The following NOVA2 variants were observed in gnomAD, a reference collection of about 807,000 sequenced individuals.
NOVA2 encodes RNA-binding protein Nova-2.
NOVA2 carries 9 observed loss-of-function variants against 22.5 expected under a neutral mutation model. That is an observed-to-expected ratio of 0.40 (90% CI 0.24 to 0.70). The LOEUF is 0.70. Among genes scored for constraint, NOVA2 ranks in the 30% least tolerant of loss-of-function variants. The probability of loss-of-function intolerance (pLI) is 0.38; values close to 1 mark genes in which losing one functional copy is unlikely to be tolerated. For missense variants in NOVA2, 383 were observed against 682.8 expected (o/e 0.56, Z 4.89); for synonymous variants, 318 against 335.2 (o/e 0.95, Z 0.56).
intron 2 of NOVA2, 123 bp from the exon 3 acceptor site, chr19:45,954,069 C>T (rs1455064234): frequency 1.6e-5 from 17 of 1,074,306 alleles, no homozygotes; most frequent in South Asian, 7.5e-5. Context: ...ACTGATCACA[C>T]GGTGAGCCTG....
intron 3 of NOVA2, 60 bp downstream of exon 3, chr19:45,953,720 G>A (rs1967961250): frequency 6.3e-7 from 1 of 1,594,734 alleles, no homozygotes; most frequent in East Asian, 2.2e-5. Flanking sequence ...TGATGTGGGA[G>A]GAATGTTTCT....
chr19:45,939,962 C>T lies in NOVA2; in HGVS notation c.1380G>A (p.Thr460=), dbSNP rs778974146. Residue 460 remains threonine (T), a synonymous_variant, in exon 4 of 4, where the codon ACG becomes ACA. Transcript: ENST00000263257. ...PGTRNRRVTI[T]GSPAATQAAQ... ...CGGCTTGCGTGGCCGCGGGGCTGCC[C>T]GTGATGGTGACCCGCCGGTTCCGCG... 1 of 1,613,932 alleles carries T rather than the reference C, an allele frequency of 6.2e-7. No individual in the cohort carries two copies. Among genetic ancestry groups the T allele is most frequent in the Admixed American group, 1.7e-5 (1 of 60,014 alleles).
intron 3 of NOVA2, among the ~76,000 whole-genome samples, chr19:45,942,665 G>C (rs1292032017): frequency 6.6e-6 from 1 of 152,022 alleles, no homozygotes; most frequent in Non-Finnish European, 1.5e-5. Context: ...TCCTGGGACG[G>C]GAACTCTCCA....
rs1407722598 is a variant in NOVA2 at position 45,964,139 on chromosome 19, A to T, written c.86-2986T>A. Among the ~76,000 whole-genome samples, 2 of 151,550 alleles carry T rather than the reference A, an allele frequency of 1.3e-5. 1 individual carries two copies. Among genetic ancestry groups the T allele is most frequent in the South Asian group, 4.2e-4 (2 of 4,794 alleles). Reference sequence around the variant, plus strand: ...ATCCCCCAATGGTTTTTCAACTTTTAAGCAAAGGAAGCCTATTTTCTTTTT... The same window carrying T: ...ATCCCCCAATGGTTTTTCAACTTTTTAGCAAAGGAAGCCTATTTTCTTTTT... On this transcript the variant is annotated intron_variant, in intron 1 of 3. Transcript: ENST00000263257.
At position 45,940,648 on chromosome 19, in the gene NOVA2, C is replaced by T; in HGVS notation, c.694G>A (p.Ala232Thr). ...GCTGGCAGCACATCCGCGGGGCTGG[C>T]GTACGGAGAGCCGGTGGGGTTGGAG... ...ANSNPTGSPY[A>T]SPADVLPAAA... Residue 232 changes from alanine to threonine, a missense_variant, in exon 4 of 4, where the codon GCC becomes ACC. This residue lies in a region of NOVA2 where 349 missense variants were observed against 578.1 expected (regional missense o/e 0.60). Coordinates refer to ENST00000263257, the MANE Select transcript of NOVA2 (RefSeq NM_002516.4). The T allele has an allele frequency of 6.4e-7, 1 of 1,558,996 alleles. No homozygotes were observed. Among genetic ancestry groups the T allele is most frequent in the Non-Finnish European group, 8.6e-7 (1 of 1,158,366 alleles).
rs1435493328 is a variant in NOVA2, at chr19:45,973,865, C to T, written c.-514G>A. Among the ~76,000 whole-genome samples, 7 of 151,056 alleles carry T rather than the reference C, an allele frequency of 4.6e-5. No homozygotes were observed. In the East Asian group the frequency reaches 8.0e-4, roughly 17 times the overall value. On this transcript the variant is annotated 5_prime_UTR_variant, in exon 1 of 4. Transcript: ENST00000263257. Reference sequence around the variant, plus strand: ...GGCTCCCTGGGGCAAGAGGGCCGAGCCCCCCAGACCCTGCTCGGGGTGGGG... The same window carrying T: ...GGCTCCCTGGGGCAAGAGGGCCGAGTCCCCCAGACCCTGCTCGGGGTGGGG...
chr19:45,941,314 A>ATG (rs1967754791), intron 3 of NOVA2, among the ~76,000 whole-genome samples: 1 of 148,158 alleles, frequency 6.7e-6, no homozygotes, highest in Admixed American at 6.8e-5. Flanking sequence ...AAAATAATAT[A>ATG]TATATATATA....
chr19:45,968,687 C>G (rs1968196857), intron 1 of NOVA2, among the ~76,000 whole-genome samples: 1 of 152,042 alleles, frequency 6.6e-6, no homozygotes, highest in Non-Finnish European at 1.5e-5. Flanking sequence ...TCATCTAATG[C>G]ACAAAACCCA....
At chr19:45,957,273 T>C (rs1968018608) in intron 2 of NOVA2, among the ~76,000 whole-genome samples, 1 of 151,984 alleles carries the variant, frequency 6.6e-6, no homozygotes, top group South Asian at 2.1e-4. Flanking sequence ...GTGCAGTGGC[T>C]CACGCCTGTA....
intron 3 of NOVA2, among the ~76,000 whole-genome samples, chr19:45,945,271 C>T (rs968091601): frequency 7.3e-5 from 11 of 151,418 alleles, no homozygotes; most frequent in African/African-American, 2.4e-4. Flanking sequence ...CACTACACTC[C>T]AGCCTGGGTG....
chr19:45,951,859 T>A (rs1967931337), intron 3 of NOVA2, among the ~76,000 whole-genome samples: 1 of 152,194 alleles, frequency 6.6e-6, no homozygotes, highest in Admixed American at 6.5e-5. Context: ...ATCTAAAAAA[T>A]TTATGGCTTC....
In NOVA2 at chr19:45,967,949, G is replaced by GA. The variant is rs75135573; in HGVS notation, c.85+5317dup. On this transcript the variant is annotated intron_variant, in intron 1 of 3. Transcript: ENST00000263257. ...CACAGCAGGGCTCCATCTCAAAAAA[G>GA]AAAAAAAAAAAATCAGCCAATACTC... 1.6e-3 allele frequency: 236 copies of GA among 144,736 alleles called. 1 individual carries two copies. The highest frequency in any genetic ancestry group is 8.0e-3 in the South Asian group (37 of 4,610). The allele number at this position is 144,736 out of a possible 1,614,324, so 9.0% of individuals were successfully genotyped here.
intron 2 of NOVA2, among the ~76,000 whole-genome samples, chr19:45,959,386 G>C (rs1223265214): frequency 1.3e-5 from 2 of 152,126 alleles, no homozygotes; most frequent in Admixed American, 1.3e-4. Context: ...TGTTTGACCT[G>C]GTAGGACCAA....
chr19:45,950,680 A>G (rs1600604999), intron 3 of NOVA2, among the ~76,000 whole-genome samples: 1 of 152,212 alleles, frequency 6.6e-6, no homozygotes, highest in African/African-American at 2.4e-5. Context: ...TCACAGAGCC[A>G]TAGAACTGTT....
chr19:45,946,003 T>TAAA lies in NOVA2; in HGVS notation c.397-5061_397-5059dup, dbSNP rs35902840. Among the ~76,000 whole-genome samples, 486 of 97,830 alleles carry TAAA rather than the reference T, an allele frequency of 5.0e-3. 11 individuals are homozygous for TAAA. The highest frequency in any genetic ancestry group is 0.019 in the African/African-American group (455 of 24,180). 64.2% of individuals were successfully genotyped at this position (97,830 alleles called of 152,430 possible). ...CTGAATGACAGAGTGAGACTCCATCTAAAAAAAAAAAAAAAAAAAGGCCAG... is the reference window on the plus strand; with the variant it reads ...CTGAATGACAGAGTGAGACTCCATCTAAAAAAAAAAAAAAAAAAAAAAGGCCAG... On this transcript the variant is annotated intron_variant, in intron 3 of 3. Transcript: ENST00000263257.
intron 3 of NOVA2, among the ~76,000 whole-genome samples, chr19:45,950,412 C>T (rs1005285472): frequency 8.5e-5 from 13 of 152,160 alleles, no homozygotes; most frequent in Admixed American, 3.9e-4. Context: ...CCACCCACCT[C>T]GGCCTTTCAA....
chr19:45,944,336 G>A (rs1444651933), intron 3 of NOVA2, among the ~76,000 whole-genome samples: 1 of 152,152 alleles, frequency 6.6e-6, no homozygotes, highest in Non-Finnish European at 1.5e-5. Flanking sequence ...CAGCTACTTG[G>A]GAGGCTGAGG....
Position 45,934,395 on chromosome 19 carries a change from C to T in NOVA2, c.*5468G>A, listed in dbSNP as rs371398853. ...CCTCAGGGAAATTGGAGGATGAATCCATTTCACAGAAGGGGAAAACGGAGG... is the reference window on the plus strand; with the variant it reads ...CCTCAGGGAAATTGGAGGATGAATCTATTTCACAGAAGGGGAAAACGGAGG... On this transcript the variant is annotated 3_prime_UTR_variant, in exon 4 of 4. Transcript: ENST00000263257. 3 of 152,206 alleles carry T rather than the reference C, an allele frequency of 2.0e-5. No individual in the cohort carries two copies. Among genetic ancestry groups the T allele is most frequent in the Admixed American group, 6.5e-5 (1 of 15,274 alleles). The allele number at this position is 152,206 out of a possible 1,614,324, so 9.4% of individuals were successfully genotyped here.
intron 1 of NOVA2, among the ~76,000 whole-genome samples, chr19:45,966,502 A>G (rs1181676690): frequency 6.6e-6 from 1 of 152,004 alleles, no homozygotes; most frequent in Non-Finnish European, 1.5e-5. Context: ...TCCTGGGCTC[A>G]AGGGATCTGC....
Sources: gnomAD v4.1 joint callset for allele counts (sites outside exome capture counted in the v4.1 genomes callset) on GRCh38, gnomAD v4.1.1 for gene constraint, gnomAD v4.1.1 regional missense constraint, MANE v1.5 for transcripts, NCBI Gene and HGNC (gene_info 2026-07-23, HGNC 2026-07-21) for gene names.